Variants in OR1J2 observed in about 807,000 individuals in gnomAD.
OR1J2 encodes the protein olfactory receptor 1J2.
For synonymous variants in OR1J2, 142 were observed against 99.7 expected (o/e 1.42, Z -2.52); for missense variants, 304 against 246.1 (o/e 1.24, Z -1.57).
chr9:122,468,486 A>G, the OR1J2 span, among the ~76,000 whole-genome samples: 4 of 152,240 alleles, frequency 2.6e-5, no homozygotes, highest in Admixed American at 1.3e-4. Flanking sequence ...AAGCTAAAGG[A>G]GAAATTGATA....
the OR1J2 span, among the ~76,000 whole-genome samples, chr9:122,559,305 TA>T: frequency 1.1e-4 from 16 of 151,900 alleles, no homozygotes; most frequent in East Asian, 2.3e-3. Flanking sequence ...TATTTATTTT[TA>T]TTTTTTTTTA....
the OR1J2 span, among the ~76,000 whole-genome samples, chr9:122,537,469 T>C: frequency 1.3e-5 from 2 of 152,316 alleles, no homozygotes; most frequent in East Asian, 3.9e-4. Flanking sequence ...TGAGAGGGTC[T>C]CTCTCTTCCC....
the OR1J2 span, among the ~76,000 whole-genome samples, chr9:122,470,965 C>T: frequency 6.6e-6 from 1 of 152,192 alleles, no homozygotes; most frequent in South Asian, 2.1e-4. Flanking sequence ...AAGTAACTAG[C>T]TTGCTTTTGA....
chr9:122,464,154 T>C, the OR1J2 span, among the ~76,000 whole-genome samples: 19 of 152,142 alleles, frequency 1.2e-4, no homozygotes, highest in African/African-American at 4.6e-4. Context: ...CCCAGGCCAA[T>C]GGAGTTATGT....
In OR1J2 at chr9:122,510,954, G is replaced by A. The variant is rs772347154; in HGVS notation, c.153G>A (p.Leu51=). 1.4e-5 allele frequency: 23 copies of A among 1,612,232 alleles called. No individual in the cohort carries two copies. Among genetic ancestry groups the A allele is most frequent in the Middle Eastern group, 1.6e-4 (1 of 6,072 alleles). The stretch of plus-strand genomic sequence containing the variant: ...TGCTCATCATGCTGCTCATCCAGCT[G>A]GACTCTCACCTTCACACCCCCATGT... The part of the protein sequence containing the change: ...GNLLIMLLIQ[L]DSHLHTPMYF... Residue 51 remains leucine (L), a synonymous_variant, in exon 1 of 1, where the codon CTG becomes CTA. Transcript: ENST00000335302.
the OR1J2 span, among the ~76,000 whole-genome samples, chr9:122,451,152 CATTATTATTATTATT>C: frequency 2.7e-3 from 366 of 137,570 alleles, no homozygotes; most frequent in African/African-American, 8.8e-3. Flanking sequence ...CTATCACCTG[CATTATTATTATTATT>C]ATTATTATTA....
chr9:122,519,188 C>A, the OR1J2 span: 1 of 1,613,482 alleles, frequency 6.2e-7, no homozygotes, highest in Non-Finnish European at 8.5e-7. Context: ...TCCTCCTGGA[C>A]CTCCCCATCT....
the OR1J2 span, among the ~76,000 whole-genome samples, chr9:122,517,095 C>T: frequency 6.6e-6 from 1 of 152,188 alleles, no homozygotes; most frequent in Admixed American, 6.5e-5. Flanking sequence ...GACTTAGGCT[C>T]ATAGTCTCAT....
At chr9:122,534,094 G>A in the OR1J2 span, among the ~76,000 whole-genome samples, 3 of 152,202 alleles carry the variant, frequency 2.0e-5, no homozygotes, top group Admixed American at 6.5e-5. Flanking sequence ...TCTGGCACTT[G>A]TAGCAAGCTC....
At chr9:122,567,764 G>A in the OR1J2 span, 1 of 1,614,120 alleles carries the variant, frequency 6.2e-7, no homozygotes. Flanking sequence ...AGGTGGAGAA[G>A]GCTTTGCGTT....
the OR1J2 span, among the ~76,000 whole-genome samples, chr9:122,473,220 C>A: frequency 6.7e-6 from 1 of 149,734 alleles, no homozygotes; most frequent in South Asian, 2.1e-4. Flanking sequence ...AAATTTAGTA[C>A]AATCTGTAAC....
the OR1J2 span, among the ~76,000 whole-genome samples, chr9:122,501,077 T>G: frequency 6.6e-6 from 1 of 152,194 alleles, no homozygotes; most frequent in Admixed American, 6.5e-5. Context: ...TTATTATTTT[T>G]TAAAAACCTG....
chr9:122,503,005 G>A, the OR1J2 span, among the ~76,000 whole-genome samples: 1 of 152,200 alleles, frequency 6.6e-6, no homozygotes, highest in Non-Finnish European at 1.5e-5. Context: ...CAACCCTCCA[G>A]GAGATCATCT....
the OR1J2 span, among the ~76,000 whole-genome samples, chr9:122,461,966 T>C: frequency 6.6e-6 from 1 of 152,142 alleles, no homozygotes; most frequent in Non-Finnish European, 1.5e-5. Flanking sequence ...GTCCATTGTT[T>C]TTTTGCTAAC....
the OR1J2 span, among the ~76,000 whole-genome samples, chr9:122,551,852 A>G: frequency 2.0e-5 from 3 of 152,074 alleles, no homozygotes; most frequent in African/African-American, 4.8e-5. Flanking sequence ...ATCGAGCCAT[A>G]CACTTCAGGT....
At chr9:122,469,537 A>G in the OR1J2 span, among the ~76,000 whole-genome samples, 1 of 152,144 alleles carries the variant, frequency 6.6e-6, no homozygotes, top group African/African-American at 2.4e-5. Flanking sequence ...ATGAAAATGG[A>G]CTAATACAGT....
the OR1J2 span, among the ~76,000 whole-genome samples, chr9:122,539,579 G>T: frequency 6.6e-6 from 1 of 152,144 alleles, no homozygotes; most frequent in Non-Finnish European, 1.5e-5. Flanking sequence ...AAACATACGT[G>T]TGCATGTGTC....
At chr9:122,571,434 C>T in the OR1J2 span, among the ~76,000 whole-genome samples, 6 of 151,848 alleles carry the variant, frequency 4.0e-5, no homozygotes, top group African/African-American at 1.5e-4. Flanking sequence ...CCTGTAATCC[C>T]AGCTACTCGG....
At chr9:122,535,082 G>A in the OR1J2 span, among the ~76,000 whole-genome samples, 1 of 151,934 alleles carries the variant, frequency 6.6e-6, no homozygotes, top group Admixed American at 6.6e-5. Context: ...CTTGCCCATA[G>A]TGAAGGAGGC....
Sources: gnomAD v4.1 joint callset for allele counts (sites outside exome capture counted in the v4.1 genomes callset) on GRCh38, gnomAD v4.1.1 for gene constraint, MANE v1.5 for transcripts, NCBI Gene and HGNC (gene_info 2026-07-23, HGNC 2026-07-21) for gene names.